LRMDA: variants seen among roughly 807,000 people sequenced by gnomAD.
The protein encoded by LRMDA is leucine rich melanocyte differentiation associated.
A neutral mutation model predicts 29.8 loss-of-function variants in LRMDA; 18 were observed. The ratio of observed to expected loss-of-function variants is 0.60; its 90% CI spans 0.42 to 0.90. The LOEUF (loss-of-function observed/expected upper bound fraction) is 0.90. LRMDA is among the 40% of genes least tolerant of loss of function. LRMDA has a pLI of 0.00. For missense variants in LRMDA, 273 were observed against 273.9 expected, an observed-to-expected ratio of 1.00 and a Z score of 0.02; for synonymous variants, 125 against 109.4, an observed-to-expected ratio of 1.14 and a Z score of -0.89.
intron 1 of LRMDA, among the ~76,000 whole-genome samples, chr10:75,433,662 T>G (rs1844231873): frequency 6.6e-6 from 1 of 152,154 alleles, no homozygotes; most frequent in Non-Finnish European, 1.5e-5. Flanking sequence ...CTTGTCAGAC[T>G]TTAGTAGATC....
chr10:75,820,730 T>C (rs1421536040), intron 2 of LRMDA, among the ~76,000 whole-genome samples: 10 of 152,146 alleles, frequency 6.6e-5, no homozygotes, highest in Non-Finnish European at 1.3e-4. Flanking sequence ...TAATGAAAAG[T>C]TGGTTCTTTG....
chr10:75,878,267 G>A (rs1589238193), intron 2 of LRMDA, among the ~76,000 whole-genome samples: 2 of 148,158 alleles, frequency 1.3e-5, no homozygotes, highest in East Asian at 3.9e-4. Context: ...TGGAGGATTG[G>A]TGCAAGGTTT....
intron 2 of LRMDA, among the ~76,000 whole-genome samples, chr10:75,688,311 A>T (rs1842106571): frequency 6.6e-6 from 1 of 152,244 alleles, no homozygotes; most frequent in South Asian, 2.1e-4. Flanking sequence ...GAATCATAAA[A>T]TACCAACATT....
At chr10:76,470,351 C>T (rs1421391233) in intron 6 of LRMDA, 4 of 151,966 alleles carry the variant, frequency 2.6e-5, no homozygotes, top group Non-Finnish European at 4.4e-5. Context: ...AGCAATTGTA[C>T]GTAAGCATGG....
intron 5 of LRMDA, among the ~76,000 whole-genome samples, chr10:76,222,667 G>A (rs1432713359): frequency 6.6e-6 from 1 of 152,216 alleles, no homozygotes; most frequent in East Asian, 1.9e-4. Flanking sequence ...TACACTGTTG[G>A]TGGGACTGTA....
intron 2 of LRMDA, among the ~76,000 whole-genome samples, chr10:75,458,409 T>C (rs1844545463): frequency 6.6e-6 from 1 of 152,178 alleles, no homozygotes; most frequent in Non-Finnish European, 1.5e-5. Context: ...CAGGTTTCCC[T>C]TGGGCAAGGA....
intron 6 of LRMDA, among the ~76,000 whole-genome samples, chr10:76,372,255 G>C (rs748225053): frequency 7.2e-5 from 11 of 152,258 alleles, no homozygotes; most frequent in Admixed American, 1.3e-4. Flanking sequence ...AATAAAGGGA[G>C]TACCATAGCC....
chr10:76,328,103 T>C (rs1054736918), intron 6 of LRMDA, among the ~76,000 whole-genome samples: 1 of 152,202 alleles, frequency 6.6e-6, no homozygotes, highest in Non-Finnish European at 1.5e-5. Flanking sequence ...TGCCCTGGGT[T>C]GGAGCATATC....
intron 2 of LRMDA, among the ~76,000 whole-genome samples, chr10:75,720,727 G>T (rs557982005): frequency 6.6e-5 from 10 of 152,122 alleles, no homozygotes; most frequent in Admixed American, 2.0e-4. Flanking sequence ...ATCACAGCTC[G>T]CATCTACTGG....
intron 5 of LRMDA, among the ~76,000 whole-genome samples, chr10:76,129,751 T>A (rs1001905290): frequency 6.6e-6 from 1 of 152,124 alleles, no homozygotes; most frequent in African/African-American, 2.4e-5. Flanking sequence ...CACCCACACT[T>A]GTATATACCT....
chr10:76,489,355 G>A (rs186924032), intron 6 of LRMDA, among the ~76,000 whole-genome samples: 1 of 151,812 alleles, frequency 6.6e-6, no homozygotes, highest in Non-Finnish European at 1.5e-5. Flanking sequence ...AATATCAATA[G>A]TAATGTCTCA....
At chr10:76,459,897 A>ATCTACAC (rs1842494892) in intron 6 of LRMDA, among the ~76,000 whole-genome samples, 2 of 152,174 alleles carry the variant, frequency 1.3e-5, no homozygotes, top group African/African-American at 4.8e-5. Context: ...ACTCAGAACA[A>ATCTACAC]TGAGAAATTG....
At chr10:75,482,965 G>C (rs1589156272) in intron 2 of LRMDA, among the ~76,000 whole-genome samples, 3 of 147,896 alleles carry the variant, frequency 2.0e-5, no homozygotes, top group Non-Finnish European at 4.4e-5. Flanking sequence ...TTTTTTTTGA[G>C]ACAGAGTCTC....
chr10:76,537,952 C>T (rs777326664), intron 6 of LRMDA, among the ~76,000 whole-genome samples: 2 of 152,164 alleles, frequency 1.3e-5, no homozygotes, highest in Non-Finnish European at 2.9e-5. Context: ...ATAGCAATAA[C>T]ACCAACAACA....
intron 5 of LRMDA, among the ~76,000 whole-genome samples, chr10:76,244,565 G>C (rs1456909238): frequency 6.6e-6 from 1 of 152,156 alleles, no homozygotes; most frequent in East Asian, 1.9e-4. Context: ...AGCAGCTGAA[G>C]TCCACATTGT....
chr10:76,490,614 G>A (rs1270247836), intron 6 of LRMDA, among the ~76,000 whole-genome samples: 4 of 151,644 alleles, frequency 2.6e-5, no homozygotes, highest in African/African-American at 9.7e-5. Context: ...CTCATTTTTG[G>A]TTTCCATTGA....
At chr10:76,339,199 CA>C (rs1250978048) in intron 6 of LRMDA, among the ~76,000 whole-genome samples, 1 of 146,838 alleles carries the variant, frequency 6.8e-6, no homozygotes, top group Non-Finnish European at 1.5e-5. Context: ...ATGCTTCTTT[CA>C]AATTAACTGA....
intron 2 of LRMDA, among the ~76,000 whole-genome samples, chr10:75,701,234 A>G (rs1198661317): frequency 1.3e-5 from 2 of 152,204 alleles, no homozygotes; most frequent in Admixed American, 6.5e-5. Context: ...GAATCTGCCA[A>G]CCATACCACA....
chr10:76,222,697 G>A (rs1240814658), intron 5 of LRMDA, among the ~76,000 whole-genome samples: 1 of 152,198 alleles, frequency 6.6e-6, no homozygotes, highest in Non-Finnish European at 1.5e-5. Context: ...AACCCTTGTG[G>A]AAGTCAGTGT....
Sources: gnomAD v4.1 joint callset for allele counts (sites outside exome capture counted in the v4.1 genomes callset) on GRCh38, gnomAD v4.1.1 for gene constraint, MANE v1.5 for transcripts, NCBI Gene and HGNC (gene_info 2026-07-23, HGNC 2026-07-21) for gene names.